The following RGS3 variants were observed in gnomAD, a reference collection of about 807,000 sequenced individuals.
RGS3 encodes regulator of G-protein signalling 3.
In RGS3, 80 loss-of-function variants were observed where a neutral mutation model predicts 132.6. The observed-to-expected ratio is 0.60, with a 90% CI of 0.50 to 0.73. The LOEUF (loss-of-function observed/expected upper bound fraction) is 0.73. Ranked by LOEUF, RGS3 falls within the 30% of genes least tolerant of loss-of-function variation. The pLI, the probability that RGS3 is intolerant of heterozygous loss-of-function variation, is 0.00. For missense variants in RGS3, 1,382 were observed against 1,530.8 expected (o/e 0.90, Z 1.62); for synonymous variants, 598 against 620.6 (o/e 0.96, Z 0.54).
intron 19 of RGS3, among the ~76,000 whole-genome samples, chr9:113,562,032 T>C (rs1281948421): frequency 6.6e-6 from 1 of 152,216 alleles, no homozygotes; most frequent in Admixed American, 6.5e-5. Flanking sequence ...GTGTAACTGA[T>C]GGGCTCATCT....
At chr9:113,447,329 G>GTATATATATATATCTATATATATATA (rs1829129958) in intron 1 of RGS3, among the ~76,000 whole-genome samples, 1 of 27,536 alleles carries the variant, frequency 3.6e-5, no homozygotes, top group Non-Finnish European at 7.5e-5. Context: ...GTATGTATAT[G>GTATATATATATATCTATATATATATA]TATATATATA....
At chr9:113,533,536 G>A (rs1455873765) in intron 18 of RGS3, among the ~76,000 whole-genome samples, 1 of 152,192 alleles carries the variant, frequency 6.6e-6, no homozygotes, top group African/African-American at 2.4e-5. Context: ...CAGCTGGAAA[G>A]TTCTTTTTAA....
intron 24 of RGS3, among the ~76,000 whole-genome samples, chr9:113,596,232 G>T (rs1835769505): frequency 6.6e-6 from 1 of 152,224 alleles, no homozygotes; most frequent in Non-Finnish European, 1.5e-5. Context: ...TACTCGGGAG[G>T]CTGAGGCAGG....
intron 4 of RGS3, among the ~76,000 whole-genome samples, chr9:113,481,634 C>T (rs1364736433): frequency 1.3e-5 from 2 of 152,228 alleles, no homozygotes; most frequent in Admixed American, 1.3e-4. Flanking sequence ...TTTGGCTTCA[C>T]CCCAGTCTCA....
intron 13 of RGS3, 87 bp from the exon 12 acceptor site, chr9:113,508,453 TC>T: frequency 6.8e-7 from 1 of 1,471,518 alleles, no homozygotes; most frequent in South Asian, 1.1e-5. Context: ...CCACTTCCTC[TC>T]CCCTGGGGCC....
At chr9:113,529,161 C>A in intron 17 of RGS3, 60 bp from the exon 16 acceptor site, 1 of 1,347,352 alleles carries the variant, frequency 7.4e-7, no homozygotes, top group Non-Finnish European at 1.1e-6. Context: ...TGTGCTGGAG[C>A]AAACTGCTGA....
intron 10 of RGS3, among the ~76,000 whole-genome samples, chr9:113,502,487 C>G (rs1830944693): frequency 6.6e-6 from 1 of 152,242 alleles, no homozygotes; most frequent in African/African-American, 2.4e-5. Flanking sequence ...CTAGGGGATC[C>G]AGTGTTTTCT....
chr9:113,565,077 T>C lies in RGS3; in HGVS notation c.2038-18373T>C. The C allele has an allele frequency of 2.6e-6, 3 of 1,147,632 alleles. No homozygotes were observed. The highest frequency in any genetic ancestry group is 8.0e-4 in the Middle Eastern group (2 of 2,490). The allele number at this position is 1,147,632 out of a possible 1,614,324, so 71.1% of individuals were successfully genotyped here. ...ATCCCAGTGCCAGGGGGTGCCGTTG[T>C]GAGGGATGGACGCCTCTCCCCCGGA... On this transcript the variant is annotated intron_variant, in intron 19 of 24. Transcript: ENST00000350696. The surrounding 1 kb of genome is among the most constrained non-coding windows in gnomAD (Gnocchi z 5.7).
intron 19 of RGS3, among the ~76,000 whole-genome samples, chr9:113,560,541 C>T (rs764236449): frequency 6.6e-6 from 1 of 152,252 alleles, no homozygotes; most frequent in Non-Finnish European, 1.5e-5. Flanking sequence ...CAAGTTCCAT[C>T]CCATGGGCGG....
chr9:113,452,944 A>G (rs1005344301), intron 1 of RGS3, among the ~76,000 whole-genome samples: 2 of 136,856 alleles, frequency 1.5e-5, no homozygotes, highest in African/African-American at 5.4e-5. Flanking sequence ...AATAAAATAT[A>G]TTTATATATG....
chr9:113,570,285 G>A (rs1834229311), intron 19 of RGS3: 1 of 152,300 alleles, frequency 6.6e-6, no homozygotes, highest in South Asian at 2.1e-4. Context: ...ATGTAGGTGA[G>A]GTGCTTGGCG....
At chr9:113,521,021 T>C (rs1831927692) in intron 16 of RGS3, among the ~76,000 whole-genome samples, 1 of 152,150 alleles carries the variant, frequency 6.6e-6, no homozygotes, top group African/African-American at 2.4e-5. Flanking sequence ...GTCTGAGCTC[T>C]AGGGTCCTCA....
At position 113,473,539 on chromosome 9, in the gene RGS3, C is replaced by T. The variant is rs554415871; in HGVS notation, c.416-5952C>T. 1.1e-4 allele frequency among the ~76,000 whole-genome samples: 16 copies of T among 152,218 alleles called. No individual in the cohort carries two copies. In the South Asian group the frequency reaches 1.5e-3, roughly 14 times the overall value. ...CTGGGACTACAGGTACACACCACCA[C>T]GTCCGGCTAATTTTAAAAAAACGTT... On this transcript the variant is annotated intron_variant, in intron 3 of 24. Coordinates refer to ENST00000350696, the Ensembl canonical transcript of RGS3.
intron 3 of RGS3, among the ~76,000 whole-genome samples, chr9:113,472,085 T>C (rs914288192): frequency 4.6e-5 from 7 of 152,184 alleles, no homozygotes; most frequent in Admixed American, 3.9e-4. Flanking sequence ...ACTATCATAC[T>C]AGAATGACTA....
intron 21 of RGS3, chr9:113,592,074 C>T (rs1325530857): frequency 6.6e-6 from 1 of 152,482 alleles, no homozygotes; most frequent in East Asian, 1.9e-4. Flanking sequence ...CCCACCAGGT[C>T]CTGTAGCACC....
At chr9:113,563,765 G>A (rs779464282) in intron 19 of RGS3, among the ~76,000 whole-genome samples, 9 of 152,196 alleles carry the variant, frequency 5.9e-5, no homozygotes, top group African/African-American at 1.2e-4. Context: ...ATGTTTTCTT[G>A]TAGCAGTGTG....
At chr9:113,452,976 A>C (rs534295067) in intron 1 of RGS3, among the ~76,000 whole-genome samples, 56 of 135,496 alleles carry the variant, frequency 4.1e-4, no homozygotes, top group Admixed American at 3.0e-3. Context: ...AAATATATTT[A>C]TACATAATAT....
At chr9:113,493,405 AG>A (rs1830585040) in intron 7 of RGS3, among the ~76,000 whole-genome samples, 2 of 152,212 alleles carry the variant, frequency 1.3e-5, no homozygotes, top group Non-Finnish European at 2.9e-5. Flanking sequence ...AGCTGGGAGC[AG>A]GAGTGATGAA....
Position 113,591,298 on chromosome 9 carries a change from G to T in RGS3, c.3016-35G>T, listed in dbSNP as rs779768463. ...TTTACTTAGGCAGGAGTTCCTGGGT[G>T]CCCAGACTGCATCGTGTCTGTCTTC... On this transcript the variant is annotated intron_variant, in intron 20 of 24. Transcript: ENST00000350696. The surrounding 1 kb of genome is among the most constrained non-coding windows in gnomAD (Gnocchi z 4.4). The T allele has an allele frequency of 6.2e-7, 1 of 1,600,426 alleles. No individual in the cohort carries two copies. Among genetic ancestry groups the T allele is most frequent in the Non-Finnish European group, 8.6e-7 (1 of 1,168,606 alleles).
Sources: allele counts gnomAD v4.1 joint callset (sites outside exome capture counted in the v4.1 genomes callset), GRCh38; gene constraint gnomAD v4.1.1; non-coding constraint Gnocchi (gnomAD v3.1); transcripts MANE v1.5; gene names NCBI Gene and HGNC (gene_info 2026-07-23, HGNC 2026-07-21).